VPS13D: variants seen among roughly 807,000 people sequenced by gnomAD.
The protein encoded by VPS13D is vacuolar protein sorting 13 homolog D.
Under a neutral mutation model 461.9 loss-of-function variants are expected in VPS13D, and 187 were observed. That is an observed-to-expected ratio of 0.40 (90% CI 0.36 to 0.46). The LOEUF is 0.46. Among genes scored for constraint, VPS13D ranks in the 20% least tolerant of loss-of-function variants. The pLI is 0.60. For synonymous variants in VPS13D, 1,951 were observed against 1,986.3 expected (o/e 0.98, Z 0.47); for missense variants, 4,711 against 5,364.9 (o/e 0.88, Z 3.81).
intron 67 of VPS13D, chr1:12,465,042 C>G (rs1645463898): frequency 6.6e-6 from 1 of 152,160 alleles, no homozygotes; most frequent in African/African-American, 2.4e-5. Context: ...GTGAGAGTGC[C>G]CAGTCCACTG....
chr1:12,460,445 C>G, intron 67 of VPS13D, 49 bp downstream of exon 67: 1 of 1,484,656 alleles, frequency 6.7e-7, no homozygotes, highest in South Asian at 1.4e-5. Context: ...CCTAGGTCTG[C>G]TGCTTCTCCT....
chr1:12,244,430 A>G lies in VPS13D; in HGVS notation c.360A>G (p.Lys120=). 1 of 1,614,144 alleles carries G rather than the reference A, an allele frequency of 6.2e-7. No individual in the cohort carries two copies. The highest frequency in any genetic ancestry group is 8.5e-7 in the Non-Finnish European group (1 of 1,179,990). ...KKALLQALEE[K]WKNDRQQKGE... is the part of the protein sequence containing the mutation. ...CACTACTTCAAGCCCTGGAGGAGAA[A>G]TGGAAGGCAAGGCAGAGATCTTCTG... Residue 120 remains lysine (K), a synonymous_variant, in exon 4 of 70, where the codon AAA becomes AAG. Coordinates refer to ENST00000620676, the MANE Select transcript of VPS13D (RefSeq NM_015378.4).
At chr1:12,302,487 G>C (rs538857482) in intron 25 of VPS13D, among the ~76,000 whole-genome samples, 7 of 152,162 alleles carry the variant, frequency 4.6e-5, no homozygotes, top group Non-Finnish European at 7.3e-5. Context: ...TTGCAAAAGG[G>C]TTCCTATTTT....
In VPS13D at chr1:12,341,870, C is replaced by T. The variant is rs752100389; in HGVS notation, c.8717C>T (p.Thr2906Ile). The change falls in exon 41 of 70, where the codon ACC becomes ATC. Residue 2906 changes from threonine (T) to isoleucine (I), a missense_variant. Transcript: ENST00000620676. ...TGCTLWFATLTTTPTRAALSH... is the reference protein window; with the variant it reads ...TGCTLWFATLITTPTRAALSH... ...TGCACTTTGTGGTTTGCCACCCTGA[C>T]CACCACACCCACCAGGTAAGCAGTC... 3 of 1,614,062 alleles carry T rather than the reference C, an allele frequency of 1.9e-6. No individual in the cohort carries two copies. Among genetic ancestry groups the T allele is most frequent in the South Asian group, 1.1e-5 (1 of 91,068 alleles).
intron 17 of VPS13D, among the ~76,000 whole-genome samples, chr1:12,271,335 G>C (rs1641434231): frequency 6.6e-6 from 1 of 152,188 alleles, no homozygotes; most frequent in Non-Finnish European, 1.5e-5. Context: ...ACTGTGACTA[G>C]ATTCTGTGTC....
chr1:12,488,293 A>G (rs940766830), intron 67 of VPS13D, among the ~76,000 whole-genome samples: 5 of 152,252 alleles, frequency 3.3e-5, no homozygotes, highest in African/African-American at 1.2e-4. Context: ...GCACTATGCT[A>G]CACATTCTTC....
intron 67 of VPS13D, among the ~76,000 whole-genome samples, chr1:12,487,610 C>CAAA (rs765536608): frequency 1.1e-5 from 1 of 89,834 alleles, no homozygotes; most frequent in African/African-American, 4.2e-5. Context: ...GATTCCATCT[C>CAAA]AAAAAAAAAA....
chr1:12,272,897 T>C, intron 17 of VPS13D, 106 bp from the exon 18 acceptor site: 4 of 1,469,120 alleles, frequency 2.7e-6, no homozygotes, highest in Non-Finnish European at 3.7e-6. Context: ...ATTAGATCAC[T>C]GAGTCACTCC....
chr1:12,312,057 G>GCGACCACC, intron 29 of VPS13D, 132 bp downstream of exon 29: 2 of 539,466 alleles, frequency 3.7e-6, no homozygotes, highest in Non-Finnish European at 5.9e-6. Context: ...GTGTCTTTTG[G>GCGACCACC]TTGATCTACA....
At chr1:12,500,681 A>G (rs1646023201) in intron 68 of VPS13D, among the ~76,000 whole-genome samples, 1 of 152,012 alleles carries the variant, frequency 6.6e-6, no homozygotes, top group Admixed American at 6.5e-5. Context: ...ATAAAAAATA[A>G]AAGTACCCTA....
chr1:12,404,156 T>A (rs1644617917), intron 63 of VPS13D, among the ~76,000 whole-genome samples, 183 bp downstream of exon 63: 1 of 149,258 alleles, frequency 6.7e-6, no homozygotes. Context: ...GACTTACGTG[T>A]ATTTGTCTTT....
At chr1:12,253,894 C>T (rs1046355939) in intron 7 of VPS13D, 68 bp downstream of exon 7, 85 of 1,280,906 alleles carry the variant, frequency 6.6e-5, no homozygotes, top group Middle Eastern at 3.8e-4. Flanking sequence ...GTCACTGCCA[C>T]GGGGGCTTTT....
chr1:12,485,285 C>T (rs542351299), intron 67 of VPS13D, among the ~76,000 whole-genome samples: 2 of 152,316 alleles, frequency 1.3e-5, no homozygotes, highest in South Asian at 2.1e-4. Context: ...CTGACCTGAC[C>T]GCAGCAGTGA....
Position 12,276,169 on chromosome 1 carries a change from C to G in VPS13D, c.2581C>G (p.Arg861Gly). 1 of 1,614,120 alleles carries G rather than the reference C, an allele frequency of 6.2e-7. No individual in the cohort carries two copies. The highest frequency in any genetic ancestry group is 8.5e-7 in the Non-Finnish European group (1 of 1,180,028). The change falls in exon 19 of 70, where the codon CGA (arginine) becomes GGA (glycine). Residue 861 changes from arginine to glycine, a missense_variant. This residue lies in a region of VPS13D where 4,411 missense variants were observed against 4,937.8 expected (regional missense o/e 0.89). Transcript: ENST00000620676. The surrounding 1 kb of genome is among the most constrained non-coding windows in gnomAD (Gnocchi z 4.5). ...CAACGTTCACCTACAGTTAGAGCGT[C>G]GATTGATTTATACTTCAGATCCCAA... The part of the protein sequence containing the change: ...KFNVHLQLER[R>G]LIYTSDPKYP...
intron 49 of VPS13D, among the ~76,000 whole-genome samples, chr1:12,357,819 C>T (rs1469848708): frequency 2.0e-5 from 3 of 152,116 alleles, no homozygotes; most frequent in African/African-American, 4.8e-5. Flanking sequence ...GCCTGGCCAA[C>T]GTGGTGAAAC....
chr1:12,399,931 T>C (rs1421662668), intron 60 of VPS13D, among the ~76,000 whole-genome samples: 1 of 152,186 alleles, frequency 6.6e-6, no homozygotes, highest in Non-Finnish European at 1.5e-5. Flanking sequence ...CACATACTTA[T>C]TTTTTTGAGG....
At chr1:12,485,462 T>C (rs1043963334) in intron 67 of VPS13D, among the ~76,000 whole-genome samples, 1 of 152,246 alleles carries the variant, frequency 6.6e-6, no homozygotes, top group Non-Finnish European at 1.5e-5. Context: ...AGAGCCCTTC[T>C]GGCCCGCATC....
At chr1:12,316,753 A>G (rs1642896303) in intron 30 of VPS13D, among the ~76,000 whole-genome samples, 1 of 152,228 alleles carries the variant, frequency 6.6e-6, no homozygotes, top group South Asian at 2.1e-4. Flanking sequence ...TAGTAGCTAC[A>G]ACCCCAGAGT....
rs1643865837 is a variant in VPS13D, at chr1:12,354,117, G to A, written c.9575G>A (p.Cys3192Tyr). 37 of 1,614,052 alleles carry A rather than the reference G, an allele frequency of 2.3e-5. No homozygotes were observed. Among genetic ancestry groups the A allele is most frequent in the Non-Finnish European group, 3.0e-5 (35 of 1,180,040 alleles). The stretch of plus-strand genomic sequence containing the variant: ...GTGGTAATCTGCAACTTGCTACCCT[G>A]TGAACTTGATTTTTATGTTAAAGGA... ...PTVVICNLLPCELDFYVKGMP... is the reference protein window; with the variant it reads ...PTVVICNLLPYELDFYVKGMP... The change falls in exon 47 of 70, where the codon TGT (cysteine) becomes TAT (tyrosine). Residue 3192 changes from cysteine (C) to tyrosine (Y), a missense_variant. Physicochemically the swap from Cys to Tyr is radical, Grantham distance 194. Around this residue, in one of 3 missense-constraint regions of VPS13D, gnomAD observed 4,411 missense variants for 4,937.8 expected, o/e 0.89. Coordinates refer to ENST00000620676, the MANE Select transcript of VPS13D (RefSeq NM_015378.4).
Sources: gnomAD v4.1 joint callset for allele counts (sites outside exome capture counted in the v4.1 genomes callset) on GRCh38, gnomAD v4.1.1 for gene constraint, gnomAD v4.1.1 regional missense constraint, Gnocchi (gnomAD v3.1) non-coding constraint, MANE v1.5 for transcripts, NCBI Gene and HGNC (gene_info 2026-07-23, HGNC 2026-07-21) for gene names.